PDK1: variants seen among roughly 807,000 people sequenced by gnomAD.
PDK1 encodes pyruvate dehydrogenase kinase 1, also known as [Pyruvate dehydrogenase (acetyl-transferring)] kinase isozyme 1, mitochondrial.
PDK1 carries 39 observed loss-of-function variants against 54.2 expected under a neutral mutation model. That is an observed-to-expected ratio of 0.72 (90% CI 0.56 to 0.94). PDK1 has a LOEUF of 0.94. Ranked by LOEUF, PDK1 falls within the 40% of genes least tolerant of loss-of-function variation. The pLI is 0.00. For missense variants in PDK1, 552 were observed against 566.0 expected, an observed-to-expected ratio of 0.98 and a Z score of 0.25; for synonymous variants, 221 against 207.1, an observed-to-expected ratio of 1.07 and a Z score of -0.58.
the PDK1 span, among the ~76,000 whole-genome samples, chr2:172,662,425 C>G: frequency 6.6e-6 from 1 of 151,238 alleles, no homozygotes; most frequent in Admixed American, 6.6e-5. Flanking sequence ...GATAACATGA[C>G]TCATATGCAT....
the PDK1 span, among the ~76,000 whole-genome samples, chr2:172,661,425 G>C: frequency 1.3e-5 from 2 of 152,162 alleles, no homozygotes; most frequent in Admixed American, 1.3e-4. Context: ...GTTATTTGGT[G>C]CCCGTCTGGG....
intron 8 of PDK1, among the ~76,000 whole-genome samples, chr2:172,571,302 A>G (rs1185129746): frequency 1.3e-5 from 2 of 152,360 alleles, no homozygotes; most frequent in Admixed American, 6.5e-5. Context: ...GCTATGGGAC[A>G]TGATATCCAG....
the PDK1 span, among the ~76,000 whole-genome samples, chr2:172,629,244 A>G: frequency 1.3e-5 from 2 of 152,242 alleles, no homozygotes; most frequent in African/African-American, 4.8e-5. Flanking sequence ...CCTCAAGCCT[A>G]GACCCATGGC....
intron 8 of PDK1, among the ~76,000 whole-genome samples, chr2:172,575,172 A>G (rs547616259): frequency 6.6e-6 from 1 of 152,244 alleles, no homozygotes; most frequent in African/African-American, 2.4e-5. Flanking sequence ...TGCTTTTTCT[A>G]TATCAAACCA....
At chr2:172,657,457 A>T in the PDK1 span, among the ~76,000 whole-genome samples, 1,944 of 43,158 alleles carry the variant, frequency 0.045, no homozygotes, top group Middle Eastern at 0.12. Flanking sequence ...TGATGCTTAT[A>T]TTTTTTAACT....
Position 172,561,932 on chromosome 2 carries a change from G to A in PDK1, c.339-288G>A, listed in dbSNP as rs574300069. Among the ~76,000 whole-genome samples, 3 of 152,016 alleles carry A rather than the reference G, an allele frequency of 2.0e-5. No individual in the cohort carries two copies. The South Asian group carries it at 6.2e-4, about 31-fold the overall frequency. ...AGTATATATACTGTAATGTACAGTG[G>A]TAAATTAAAAAAAAATTAAAAGCCA... On this transcript the variant is annotated intron_variant, in intron 2 of 10. Coordinates refer to ENST00000282077, the MANE Select transcript of PDK1 (RefSeq NM_002610.5).
intron 5 of PDK1, among the ~76,000 whole-genome samples, chr2:172,565,751 G>T (rs1466084334): frequency 1.3e-5 from 2 of 152,080 alleles, no homozygotes; most frequent in Non-Finnish European, 2.9e-5. Context: ...ATTGATGTTG[G>T]TCTTACATTG....
the PDK1 span, among the ~76,000 whole-genome samples, chr2:172,618,597 A>G: frequency 6.6e-6 from 1 of 152,232 alleles, no homozygotes; most frequent in Non-Finnish European, 1.5e-5. Flanking sequence ...TGCACCTGGA[A>G]AAGTTATGTT....
In PDK1 at chr2:172,596,275, AGTTT is replaced by A; in HGVS notation, c.*307_*310del. On this transcript the variant is annotated 3_prime_UTR_variant, in exon 11 of 11. Coordinates refer to ENST00000282077, the MANE Select transcript of PDK1 (RefSeq NM_002610.5). ...AATCTTCGGGTTTCTATAGGAAACT[AGTTT>A]TTTTTTTTTAAGAAATACTTTCATT... 5.3e-6 allele frequency: 1 copy of A among 188,762 alleles called. No homozygotes were observed. The highest frequency in any genetic ancestry group is 2.6e-5 in the African/African-American group (1 of 39,020). 11.7% of individuals were successfully genotyped at this position (188,762 alleles called of 1,614,324 possible).
chr2:172,556,189 C>CGGCCCG lies in PDK1; in HGVS notation c.48_53dup (p.Pro17_Gly18dup). On this transcript the variant is annotated inframe_insertion, in exon 1 of 11. Transcript: ENST00000282077. The stretch of plus-strand genomic sequence containing the variant: ...GGCTGCTTCGCGGAGCCGCCTTGGC[C>CGGCCCG]GGCCCGGGCCCGGGGCTGCGCGCCG... 7.0e-7 allele frequency: 1 copy of CGGCCCG among 1,418,784 alleles called. No individual in the cohort carries two copies. The highest frequency in any genetic ancestry group is 9.1e-7 in the Non-Finnish European group (1 of 1,093,404). The allele number at this position is 1,418,784 out of a possible 1,614,324, so 87.9% of individuals were successfully genotyped here. A position where few individuals can be genotyped will look rare whatever the true frequency, so the allele number is the denominator to read the frequency against.
intron 1 of PDK1, 85 bp downstream of exon 1, chr2:172,556,431 G>C (rs897515670): frequency 3.2e-5 from 32 of 993,814 alleles, no homozygotes; most frequent in Non-Finnish European, 4.2e-5. Flanking sequence ...GTCGGCGCCG[G>C]CCAGCTCTCG....
intron 9 of PDK1, among the ~76,000 whole-genome samples, chr2:172,589,388 G>T (rs1690445254): frequency 6.6e-6 from 1 of 152,218 alleles, no homozygotes; most frequent in South Asian, 2.1e-4. Flanking sequence ...TGAGGGATGA[G>T]GAGAAGGCAA....
chr2:172,565,552 C>G (rs558311115), intron 5 of PDK1, among the ~76,000 whole-genome samples: 9 of 151,480 alleles, frequency 5.9e-5, no homozygotes, highest in Non-Finnish European at 1.3e-4. Context: ...CTGCCTGCCT[C>G]GGCCTCCCAA....
chr2:172,690,875 A>T, the PDK1 span, among the ~76,000 whole-genome samples: 4 of 149,510 alleles, frequency 2.7e-5, no homozygotes, highest in Non-Finnish European at 5.9e-5. Context: ...TGGGGGAGGG[A>T]TAGGAGAAAT....
At chr2:172,659,139 G>A in the PDK1 span, among the ~76,000 whole-genome samples, 22,537 of 151,956 alleles carry the variant, frequency 0.15, 2,935 homozygotes, top group East Asian at 0.53. Context: ...CTACCACTAT[G>A]TGACGTCACC....
upstream of PDK1, chr2:172,556,088 C>T: frequency 8.1e-7 from 1 of 1,233,006 alleles, no homozygotes; most frequent in Non-Finnish European, 1.0e-6. Context: ...CCCTCACGTA[C>T]CACTCGGCAG....
chr2:172,678,888 C>G, the PDK1 span: 2 of 152,200 alleles, frequency 1.3e-5, no homozygotes, highest in African/African-American at 2.4e-5. Context: ...CAGGCTTACC[C>G]TGAGTGGAGT....
chr2:172,622,016 G>A, the PDK1 span, among the ~76,000 whole-genome samples: 1 of 146,904 alleles, frequency 6.8e-6, no homozygotes, highest in South Asian at 2.1e-4. Flanking sequence ...CATGATGCAT[G>A]TTCATATCTC....
chr2:172,658,933 C>T, the PDK1 span, among the ~76,000 whole-genome samples: 94,526 of 151,970 alleles, frequency 0.62, 31,054 homozygotes, highest in Non-Finnish European at 0.74. Flanking sequence ...TTGATTTTGC[C>T]CTTTGCCTTG....
Sources: gnomAD v4.1 joint callset for allele counts (sites outside exome capture counted in the v4.1 genomes callset) on GRCh38, gnomAD v4.1.1 for gene constraint, MANE v1.5 for transcripts, NCBI Gene and HGNC (gene_info 2026-07-23, HGNC 2026-07-21) for gene names.